PCDH9: variants seen among roughly 807,000 people sequenced by gnomAD.
PCDH9 encodes protocadherin-9.
PCDH9 carries 24 observed loss-of-function variants against 70.6 expected under a neutral mutation model. That is an observed-to-expected ratio of 0.34 (90% CI 0.25 to 0.48). PCDH9 has a LOEUF of 0.48. PCDH9 is among the 20% of genes least tolerant of loss of function. PCDH9 has a pLI of 0.99. For missense variants in PCDH9, 1,281 were observed against 1,503.6 expected (o/e 0.85, Z 2.45); for synonymous variants, 562 against 558.5 (o/e 1.01, Z -0.09).
At chr13:67,023,194 T>C (rs572884136) in intron 2 of PCDH9, among the ~76,000 whole-genome samples, 1 of 152,256 alleles carries the variant, frequency 6.6e-6, no homozygotes, top group East Asian at 1.9e-4. Flanking sequence ...GCCGTTCTTT[T>C]AGAAGAATAT....
intron 2 of PCDH9, among the ~76,000 whole-genome samples, chr13:67,198,362 C>T (rs2089127578): frequency 6.6e-6 from 1 of 151,828 alleles, no homozygotes; most frequent in South Asian, 2.1e-4. Context: ...TAAGGAGTCT[C>T]CTTTCATTTA....
intron 3 of PCDH9, among the ~76,000 whole-genome samples, chr13:66,708,403 GTT>G (rs36087870): frequency 2.2e-5 from 3 of 136,980 alleles, no homozygotes; most frequent in African/African-American, 8.1e-5. Context: ...TTGAGATTTA[GTT>G]TTTTTTTTTT....
chr13:66,768,761 C>G (rs1318404530), intron 3 of PCDH9, among the ~76,000 whole-genome samples: 1 of 152,028 alleles, frequency 6.6e-6, no homozygotes, highest in East Asian at 1.9e-4. Flanking sequence ...TATCTATGTC[C>G]TAGAGGAGAT....
chr13:66,454,978 T>C (rs1438860976), intron 4 of PCDH9, among the ~76,000 whole-genome samples: 1 of 152,132 alleles, frequency 6.6e-6, no homozygotes, highest in East Asian at 1.9e-4. Flanking sequence ...ACTTTCTATG[T>C]AGGAAAGCAT....
intron 4 of PCDH9, among the ~76,000 whole-genome samples, chr13:66,488,916 T>G (rs558462485): frequency 8.9e-4 from 135 of 152,216 alleles, no homozygotes; most frequent in African/African-American, 3.1e-3. Context: ...GAAAAATGGT[T>G]TTATTAATTA....
At chr13:66,909,871 A>C (rs541337828) in intron 2 of PCDH9, among the ~76,000 whole-genome samples, 33 of 152,190 alleles carry the variant, frequency 2.2e-4, no homozygotes, top group African/African-American at 7.7e-4. Flanking sequence ...CAACTTCGGG[A>C]CCCTGACACA....
chr13:67,186,677 T>C (rs1053296859), intron 2 of PCDH9, among the ~76,000 whole-genome samples: 1 of 152,200 alleles, frequency 6.6e-6, no homozygotes, highest in Non-Finnish European at 1.5e-5. Context: ...AAAAATCATC[T>C]GGATAATAAT....
At chr13:66,609,526 G>T (rs1224253399) in intron 4 of PCDH9, among the ~76,000 whole-genome samples, 3 of 151,892 alleles carry the variant, frequency 2.0e-5, no homozygotes, top group African/African-American at 7.2e-5. Context: ...AACAGAGGCA[G>T]GATTTTAGTT....
Position 66,635,157 on chromosome 13 carries a change from CCTT to C in PCDH9, c.3139-3749_3139-3747del, listed in dbSNP as rs2077621237. On this transcript the variant is annotated intron_variant, in intron 3 of 4. Transcript: ENST00000377865. Reference sequence around the variant, plus strand: ...GGACAACACATATTACAGTGAGACTCCTTCAGCCTCTCCAGAGCTGGGCAGTTA... The same window carrying C: ...GGACAACACATATTACAGTGAGACTCCAGCCTCTCCAGAGCTGGGCAGTTA... Among the ~76,000 whole-genome samples, 8 of 152,282 alleles carry C rather than the reference CCTT, an allele frequency of 5.3e-5. No individual in the cohort carries two copies. In the South Asian group the frequency reaches 1.4e-3, roughly 28 times the overall value.
chr13:66,404,791 C>G (rs532461010), intron 4 of PCDH9, among the ~76,000 whole-genome samples: 13 of 152,094 alleles, frequency 8.5e-5, no homozygotes, highest in South Asian at 6.2e-4. Flanking sequence ...CTTTTTCCCC[C>G]CTTTCTACTT....
chr13:66,482,560 A>G lies in PCDH9; in HGVS notation c.3340+148650T>C, dbSNP rs559918139. On this transcript the variant is annotated intron_variant, in intron 4 of 4. Coordinates refer to ENST00000377865, the MANE Select transcript of PCDH9 (RefSeq NM_203487.3). Reference sequence around the variant, plus strand: ...GTTTAAACAACACACAATTTATCACATGATGCTGAACATACTGCTACCCCA... The same window carrying G: ...GTTTAAACAACACACAATTTATCACGTGATGCTGAACATACTGCTACCCCA... Among the ~76,000 whole-genome samples, 27 of 152,346 alleles carry G rather than the reference A, an allele frequency of 1.8e-4. 1 individual carries two copies. Among genetic ancestry groups the G allele is most frequent in the South Asian group, 1.7e-3 (8 of 4,832 alleles).
intron 3 of PCDH9, among the ~76,000 whole-genome samples, chr13:66,822,793 C>A (rs1245327708): frequency 6.6e-6 from 1 of 152,004 alleles, no homozygotes; most frequent in Admixed American, 6.6e-5. Context: ...CAGGTGTGAG[C>A]CACTGCACTC....
intron 3 of PCDH9, among the ~76,000 whole-genome samples, chr13:66,755,648 TA>T: frequency 6.6e-6 from 1 of 152,120 alleles, no homozygotes; most frequent in East Asian, 1.9e-4. Flanking sequence ...ACTGCATTTT[TA>T]AAAAGTGCAC....
intron 4 of PCDH9, among the ~76,000 whole-genome samples, chr13:66,556,377 G>A (rs996768383): frequency 1.3e-5 from 2 of 152,110 alleles, no homozygotes; most frequent in African/African-American, 4.8e-5. Flanking sequence ...TCATGTAGCT[G>A]TTCCATTAGG....
At chr13:66,697,390 C>G (rs910901246) in intron 3 of PCDH9, among the ~76,000 whole-genome samples, 1 of 151,860 alleles carries the variant, frequency 6.6e-6, no homozygotes, top group Non-Finnish European at 1.5e-5. Flanking sequence ...CTCTCACATA[C>G]ATAAAGATAA....
At chr13:66,751,807 C>G (rs2139228203) in intron 3 of PCDH9, among the ~76,000 whole-genome samples, 1 of 152,154 alleles carries the variant, frequency 6.6e-6, no homozygotes, top group Non-Finnish European at 1.5e-5. Context: ...TGTTGGCTAC[C>G]ATACCAGACA....
At chr13:66,737,997 G>T (rs866427437) in intron 3 of PCDH9, among the ~76,000 whole-genome samples, 1 of 152,176 alleles carries the variant, frequency 6.6e-6, no homozygotes, top group Non-Finnish European at 1.5e-5. Context: ...GCCCACCACA[G>T]CTCAAGGAGG....
chr13:66,641,262 G>A (rs2077704882), intron 3 of PCDH9, among the ~76,000 whole-genome samples: 1 of 151,994 alleles, frequency 6.6e-6, no homozygotes, highest in African/African-American at 2.4e-5. Context: ...TGGGAATGAT[G>A]TACCCCTGTA....
chr13:66,866,588 G>C (rs1397359472), intron 3 of PCDH9, among the ~76,000 whole-genome samples: 4 of 152,004 alleles, frequency 2.6e-5, no homozygotes, highest in Non-Finnish European at 5.9e-5. Flanking sequence ...ACTGAGATCA[G>C]GAGTTCCAGA....
Sources: gnomAD v4.1 joint callset for allele counts (sites outside exome capture counted in the v4.1 genomes callset) on GRCh38, gnomAD v4.1.1 for gene constraint, MANE v1.5 for transcripts, NCBI Gene and HGNC (gene_info 2026-07-23, HGNC 2026-07-21) for gene names.